The following VDR variants were observed in gnomAD, a reference collection of about 807,000 sequenced individuals.
VDR encodes the protein vitamin D receptor.
In VDR, 19 loss-of-function variants were observed where a neutral mutation model predicts 39.7. The ratio of observed to expected loss-of-function variants is 0.48; its 90% CI spans 0.33 to 0.70. The LOEUF (loss-of-function observed/expected upper bound fraction) is 0.70, where lower values mean the gene tolerates loss of function less well. VDR is among the 30% of genes least tolerant of loss of function. The probability of loss-of-function intolerance (pLI) is 0.02; values close to 1 mark genes in which losing one functional copy is unlikely to be tolerated. For synonymous variants in VDR, 242 were observed against 215.8 expected, an observed-to-expected ratio of 1.12 and a Z score of -1.07; for missense variants, 442 against 570.5, an observed-to-expected ratio of 0.77 and a Z score of 2.29.
intron 2 of VDR, among the ~76,000 whole-genome samples, chr12:47,880,154 T>A (rs1433297159): frequency 1.3e-5 from 2 of 152,158 alleles, no homozygotes; most frequent in East Asian, 3.9e-4. Flanking sequence ...ATTACAGGTT[T>A]CAGTGACCCC....
At chr12:47,866,113 C>A (rs1023805669) in intron 3 of VDR, among the ~76,000 whole-genome samples, 108 of 139,914 alleles carry the variant, frequency 7.7e-4, no homozygotes, top group African/African-American at 2.5e-3. Flanking sequence ...CTAGAAAAAA[C>A]CCTTTTTTTT....
At chr12:47,882,622 T>TGGCCCCGG in intron 2 of VDR, 72 bp downstream of exon 2, 3 of 603,850 alleles carry the variant, frequency 5.0e-6, no homozygotes, top group Non-Finnish European at 8.9e-6. Context: ...CACCTTCTTA[T>TGGCCCCGG]GCCCCTCCCC....
intron 1 of VDR, among the ~76,000 whole-genome samples, chr12:47,890,031 G>A (rs1034356699): frequency 6.6e-6 from 1 of 151,820 alleles, no homozygotes; most frequent in Non-Finnish European, 1.5e-5. Flanking sequence ...TCTGGAAAAA[G>A]GATTTAGTAC....
At chr12:47,877,746 C>G (rs1463549701) in intron 3 of VDR, among the ~76,000 whole-genome samples, 1 of 152,196 alleles carries the variant, frequency 6.6e-6, no homozygotes, top group Non-Finnish European at 1.5e-5. Flanking sequence ...GGACCTCAGG[C>G]CCAAGGATTG....
intron 2 of VDR, 146 bp downstream of exon 2, chr12:47,882,548 A>G: frequency 1.5e-6 from 1 of 675,128 alleles, no homozygotes; most frequent in Non-Finnish European, 2.5e-6. Flanking sequence ...TCAGTTGCAG[A>G]CTCTGCTGGC....
rs1945177006 is a variant in VDR at position 47,841,840 on chromosome 12, G to A, written c.*2906C>T. On this transcript the variant is annotated 3_prime_UTR_variant, in exon 10 of 10. Transcript: ENST00000549336. The stretch of plus-strand genomic sequence containing the variant: ...ATTTTCCTGTCTCTGGGAATCTTGT[G>A]GAAAATCTTGCATTTTGGGGCACCT... The A allele has an allele frequency of 6.6e-6, 1 of 152,278 alleles. No individual in the cohort carries two copies. Among genetic ancestry groups the A allele is most frequent in the Non-Finnish European group, 1.5e-5 (1 of 68,038 alleles). The allele number at this position is 152,278 out of a possible 1,614,324, so 9.4% of individuals were successfully genotyped here.
chr12:47,885,155 C>A (rs1474957826), intron 1 of VDR, among the ~76,000 whole-genome samples: 1 of 152,212 alleles, frequency 6.6e-6, no homozygotes, highest in Non-Finnish European at 1.5e-5. Context: ...CCTCTCCTGA[C>A]CCTGCTTTAG....
chr12:47,881,981 C>A (rs950990401), intron 2 of VDR, among the ~76,000 whole-genome samples: 2 of 152,086 alleles, frequency 1.3e-5, no homozygotes, highest in Non-Finnish European at 2.9e-5. Flanking sequence ...CGGTGGATTT[C>A]GTGGAAAACA....
intron 1 of VDR, among the ~76,000 whole-genome samples, chr12:47,886,648 C>A (rs1312257722): frequency 6.6e-6 from 1 of 152,196 alleles, no homozygotes; most frequent in Non-Finnish European, 1.5e-5. Context: ...TTCTACAGAC[C>A]ACAATGTCCA....
At chr12:47,872,131 C>T (rs1945895778) in intron 3 of VDR, among the ~76,000 whole-genome samples, 1 of 152,204 alleles carries the variant, frequency 6.6e-6, no homozygotes, top group African/African-American at 2.4e-5. Context: ...ACTACAACTA[C>T]CTAAACATTA....
At chr12:47,897,381 T>A (rs975475576) in intron 1 of VDR, among the ~76,000 whole-genome samples, 3 of 152,176 alleles carry the variant, frequency 2.0e-5, no homozygotes, top group Non-Finnish European at 4.4e-5. Context: ...GGTGAGGGGA[T>A]GGCTGGAGAA....
chr12:47,853,887 A>C (rs1470546062), intron 7 of VDR, among the ~76,000 whole-genome samples: 2 of 152,122 alleles, frequency 1.3e-5, no homozygotes, highest in Non-Finnish European at 2.9e-5. Context: ...GCGCCATTGC[A>C]CTCCAGCCTA....
At chr12:47,876,920 G>C (rs951145107) in intron 3 of VDR, among the ~76,000 whole-genome samples, 11 of 152,088 alleles carry the variant, frequency 7.2e-5, no homozygotes, top group African/African-American at 2.2e-4. Flanking sequence ...CTGAATCTCA[G>C]GGGGGAGGAG....
At chr12:47,871,287 TC>T (rs1945853475) in intron 3 of VDR, among the ~76,000 whole-genome samples, 1 of 119,962 alleles carries the variant, frequency 8.3e-6, no homozygotes, top group African/African-American at 2.8e-5. Flanking sequence ...TCTTTCTTTC[TC>T]TTTCTCTTTC....
intron 3 of VDR, among the ~76,000 whole-genome samples, chr12:47,877,189 C>A (rs1394776741): frequency 6.6e-6 from 1 of 152,040 alleles, no homozygotes. Flanking sequence ...AGTTTGAGAC[C>A]AGCCTGGGCA....
chr12:47,863,939 T>C (rs532685108), intron 4 of VDR, among the ~76,000 whole-genome samples: 8 of 152,302 alleles, frequency 5.3e-5, no homozygotes, highest in African/African-American at 1.9e-4. Flanking sequence ...CTGTGACTTA[T>C]CCTCTGTCCC....
chr12:47,893,681 T>TCCACTCAGC (rs1401278281), intron 1 of VDR, among the ~76,000 whole-genome samples: 1 of 152,146 alleles, frequency 6.6e-6, no homozygotes, highest in African/African-American at 2.4e-5. Context: ...CCTCCACCAG[T>TCCACTCAGC]CCACTCAGCC....
chr12:47,882,615 CTT>C, intron 2 of VDR, 77 bp downstream of exon 2: 1 of 865,192 alleles, frequency 1.2e-6, no homozygotes, highest in East Asian at 2.8e-5. Flanking sequence ...TGCCCACCAC[CTT>C]CTTATGCCCC....
intron 1 of VDR, among the ~76,000 whole-genome samples, chr12:47,899,445 G>A (rs112052232): frequency 1.2e-4 from 18 of 152,328 alleles, no homozygotes; most frequent in African/African-American, 4.3e-4. Context: ...CAGTTTACAG[G>A]TAAGGACACT....
Sources: allele counts gnomAD v4.1 joint callset (sites outside exome capture counted in the v4.1 genomes callset), GRCh38; gene constraint gnomAD v4.1.1; transcripts MANE v1.5; gene names NCBI Gene and HGNC (gene_info 2026-07-23, HGNC 2026-07-21).